C17orf113: variants seen among roughly 807,000 people sequenced by gnomAD.
C17orf113 encodes the protein chromosome 17 open reading frame 113, also known as uncharacterized protein C17orf113.
C17orf113 carries 5 observed loss-of-function variants against 11.6 expected under a neutral mutation model. The ratio of observed to expected loss-of-function variants is 0.43; its 90% CI spans 0.23 to 0.91. The LOEUF is 0.91. C17orf113 is among the 40% of genes least tolerant of loss of function. The probability of loss-of-function intolerance (pLI) is 0.26; values close to 1 mark genes in which losing one functional copy is unlikely to be tolerated. For missense variants in C17orf113, 714 were observed against 841.3 expected, an observed-to-expected ratio of 0.85 and a Z score of 1.87; for synonymous variants, 327 against 390.6, an observed-to-expected ratio of 0.84 and a Z score of 1.92.
Position 42,039,962 on chromosome 17 carries a change from G to A in C17orf113, c.1771C>T (p.His591Tyr), listed in dbSNP as rs1271176921. Residue 591 changes from histidine to tyrosine, a missense_variant, in exon 3 of 3, where the codon CAC (histidine) becomes TAC (tyrosine). His to Tyr is a moderately conservative substitution (Grantham distance 83). Around this residue, in one of 3 missense-constraint regions of C17orf113, gnomAD observed 194 missense variants for 197.2 expected, o/e 0.98. Transcript: ENST00000587304. ...TQLACAHSEL[H>Y]ELFPDFAALA... Reference sequence around the variant, plus strand: ...GCGGCGAAGTCGGGGAAGAGCTCGTGCAGCTCCGAGTGCGCGCACGCCAGC... The same window carrying A: ...GCGGCGAAGTCGGGGAAGAGCTCGTACAGCTCCGAGTGCGCGCACGCCAGC... The A allele has an allele frequency of 2.4e-6, 3 of 1,231,124 alleles. No individual in the cohort carries two copies. Among genetic ancestry groups the A allele is most frequent in the Non-Finnish European group, 3.0e-6 (3 of 987,532 alleles). The allele number at this position is 1,231,124 out of a possible 1,614,324, so 76.3% of individuals were successfully genotyped here. A position where few individuals can be genotyped will look rare whatever the true frequency, so the allele number is the denominator to read the frequency against.
Position 42,042,980 on chromosome 17 carries a change from T to C in C17orf113, c.397A>G (p.Thr133Ala). 3.2e-6 allele frequency: 4 copies of C among 1,232,392 alleles called. No homozygotes were observed. The South Asian group carries it at 1.2e-4, about 38-fold the overall frequency. The allele number at this position is 1,232,392 out of a possible 1,614,324, so 76.3% of individuals were successfully genotyped here. The change falls in exon 2 of 3, where the codon ACT (threonine) becomes GCT (alanine). Residue 133 changes from threonine (T) to alanine (A), a missense_variant. Physicochemically the swap from Thr to Ala is moderately conservative, Grantham distance 58. Coordinates refer to ENST00000587304, the MANE Select transcript of C17orf113 (RefSeq NM_001358661.2). ...ELDPAKVAVL[T>A]TVYCMAKEDV... The stretch of plus-strand genomic sequence containing the variant: ...TCCTTTGCCATGCAGTACACAGTAG[T>C]CAGCACAGCCACTTTGGCCGGGTCT...
intron 1 of C17orf113, among the ~76,000 whole-genome samples, chr17:42,046,358 T>G (rs565290511): frequency 2.6e-5 from 4 of 152,270 alleles, no homozygotes; most frequent in African/African-American, 9.6e-5. Flanking sequence ...TTTGGGAAGC[T>G]GAGGTAGGAG....
At position 42,040,021 on chromosome 17, in the gene C17orf113, A is replaced by G; in HGVS notation, c.1712T>C (p.Leu571Pro). 1 of 1,231,048 alleles carries G rather than the reference A, an allele frequency of 8.1e-7. No individual in the cohort carries two copies. Among genetic ancestry groups the G allele is most frequent in the Non-Finnish European group, 1.0e-6 (1 of 987,480 alleles). The allele number at this position is 1,231,048 out of a possible 1,614,324, so 76.3% of individuals were successfully genotyped here. The change falls in exon 3 of 3, where the codon CTT (leucine) becomes CCT (proline). Residue 571 changes from leucine (L) to proline (P), a missense_variant. Around this residue, in one of 3 missense-constraint regions of C17orf113, gnomAD observed 194 missense variants for 197.2 expected, o/e 0.98. Transcript: ENST00000587304. Reference sequence around the variant, plus strand: ...CAGGGCCCGCGGGCCGAGCCGCCCAAGGCCGAATACTACGCGCTTAAACAG... The same window carrying G: ...CAGGGCCCGCGGGCCGAGCCGCCCAGGGCCGAATACTACGCGCTTAAACAG... The part of the protein sequence containing the change: ...FALFKRVVFG[L>P]GRLGPRALCT...
intron 1 of C17orf113, among the ~76,000 whole-genome samples, chr17:42,047,024 G>A (rs542965960): frequency 6.7e-4 from 78 of 116,172 alleles, no homozygotes; most frequent in African/African-American, 7.2e-4. Context: ...CGCCATGCCC[G>A]GCTAATTTTT....
rs1461612969 is a variant in C17orf113 at position 42,040,880 on chromosome 17, G to C, written c.853C>G (p.Leu285Val). 10 of 1,232,178 alleles carry C rather than the reference G, an allele frequency of 8.1e-6. No homozygotes were observed. The highest frequency in any genetic ancestry group is 4.7e-5 in the African/African-American group (3 of 64,426). 76.3% of individuals were successfully genotyped at this position (1,232,178 alleles called of 1,614,324 possible). Residue 285 changes from leucine (L) to valine (V), a missense_variant, in exon 3 of 3, where the codon CTC becomes GTC. This residue lies in a region of C17orf113 where 516 missense variants were observed against 626.6 expected (regional missense o/e 0.82). Transcript: ENST00000587304. ...SERLGSVGPQ[L>V]RATCPLLAEL... is the part of the protein sequence containing the mutation. ...GCCAGCAGTGGGCAAGTGGCCCGGA[G>C]CTGTGGGCCCACACTCCCCAGGCGC...
chr17:42,047,471 C>T (rs148847001), intron 1 of C17orf113, among the ~76,000 whole-genome samples: 79 of 151,912 alleles, frequency 5.2e-4, no homozygotes, highest in African/African-American at 1.4e-3. Context: ...CCCAATTAGA[C>T]GATCTGAAGC....
chr17:42,046,783 A>G (rs1177039762), intron 1 of C17orf113, among the ~76,000 whole-genome samples: 1 of 152,160 alleles, frequency 6.6e-6, no homozygotes, highest in Non-Finnish European at 1.5e-5. Context: ...AACACATTAA[A>G]AAAGAAATGA....
chr17:42,045,091 G>A (rs372850851), intron 1 of C17orf113, among the ~76,000 whole-genome samples: 1 of 152,214 alleles, frequency 6.6e-6, no homozygotes, highest in African/African-American at 2.4e-5. Context: ...CTAATTTTTT[G>A]TATTTTTAGT....
chr17:42,045,913 C>T lies in C17orf113; in HGVS notation c.-187-2350G>A, dbSNP rs1223301728. 4.6e-5 allele frequency among the ~76,000 whole-genome samples: 7 copies of T among 152,236 alleles called. No homozygotes were observed. In the East Asian group the frequency reaches 1.3e-3, roughly 29 times the overall value. ...GAATACTTCTGTTAATAGAGCCTCC[C>T]GCCATTCCTGTCTGCCCAATCAATC... On this transcript the variant is annotated intron_variant, in intron 1 of 2. Coordinates refer to ENST00000587304, the MANE Select transcript of C17orf113 (RefSeq NM_001358661.2).
Position 42,039,803 on chromosome 17 carries a change from C to T in C17orf113, c.1930G>A (p.Val644Met). 8.1e-7 allele frequency: 1 copy of T among 1,232,364 alleles called. No individual in the cohort carries two copies. Among genetic ancestry groups the T allele is most frequent in the African/African-American group, 1.5e-5 (1 of 64,558 alleles). The allele number at this position is 1,232,364 out of a possible 1,614,324, so 76.3% of individuals were successfully genotyped here. ...AACTCGTGCAGCGGGGGCCCATCCA[C>T]TGCGATCTTCACCATGTGGCCCCCC... ...GRGGHMVKIAVDGPPLHEFDF... is the reference protein window; with the variant it reads ...GRGGHMVKIAMDGPPLHEFDF... Residue 644 changes from valine (V) to methionine (M), a missense_variant, in exon 3 of 3, where the codon GTG becomes ATG. By Grantham distance (21) the Val-to-Met change is conservative. Coordinates refer to ENST00000587304, the MANE Select transcript of C17orf113 (RefSeq NM_001358661.2).
In C17orf113 at chr17:42,038,884, G is replaced by A. The variant is rs1555655739; in HGVS notation, c.*821C>T. 1 of 152,282 alleles carries A rather than the reference G, an allele frequency of 6.6e-6. No homozygotes were observed. Among genetic ancestry groups the A allele is most frequent in the African/African-American group, 2.4e-5 (1 of 41,464 alleles). 9.4% of individuals were successfully genotyped at this position (152,282 alleles called of 1,614,324 possible). On this transcript the variant is annotated 3_prime_UTR_variant, in exon 3 of 3. Coordinates refer to ENST00000587304, the MANE Select transcript of C17orf113 (RefSeq NM_001358661.2). Reference sequence around the variant, plus strand: ...GTACAGAGAGGACACTGTGCTGTGTGTCAGAAACAAGCACGGTCATCTACT... The same window carrying A: ...GTACAGAGAGGACACTGTGCTGTGTATCAGAAACAAGCACGGTCATCTACT...
Position 42,050,151 on chromosome 17 carries a change from G to A in C17orf113, c.-188+406C>T, listed in dbSNP as rs2053250628. On this transcript the variant is annotated intron_variant, in intron 1 of 2. Coordinates refer to ENST00000587304, the MANE Select transcript of C17orf113 (RefSeq NM_001358661.2). The surrounding 1 kb of genome is among the most constrained non-coding windows in gnomAD (Gnocchi z 5.6). ...CTCCTCTCATTTCTCTCCACACCCT[G>A]ACCAGCCGGATGGGAGCAGGAACAA... Among the ~76,000 whole-genome samples, 2 of 148,296 alleles carry A rather than the reference G, an allele frequency of 1.3e-5. No individual in the cohort carries two copies. Among genetic ancestry groups the A allele is most frequent in the African/African-American group, 4.8e-5 (2 of 41,354 alleles).
At chr17:42,046,128 A>C (rs2053155912) in intron 1 of C17orf113, among the ~76,000 whole-genome samples, 2 of 152,126 alleles carry the variant, frequency 1.3e-5, no homozygotes, top group Non-Finnish European at 2.9e-5. Context: ...AGTTCCCCAC[A>C]GCTCCCTATG....
chr17:42,040,444 G>T lies in C17orf113; in HGVS notation c.1289C>A (p.Pro430His). ...AEEPDLALLQ[P>H]LVMAAAASLQ... ...GGAGGCCGCAGCCGCCATCACCAGA[G>T]GCTGCAGCAAGGCCAAGTCCGGCTC... is the stretch of plus-strand genomic sequence containing the variant. Residue 430 changes from proline (P) to histidine (H), a missense_variant, in exon 3 of 3, where the codon CCT becomes CAT. Transcript: ENST00000587304. 8.1e-7 allele frequency: 1 copy of T among 1,232,154 alleles called. No individual in the cohort carries two copies. The highest frequency in any genetic ancestry group is 4.1e-5 in the South Asian group (1 of 24,326). The allele number at this position is 1,232,154 out of a possible 1,614,324, so 76.3% of individuals were successfully genotyped here.
At position 42,039,790 on chromosome 17, in the gene C17orf113, G is replaced by A; in HGVS notation, c.1943C>T (p.Pro648Leu). 9 of 1,232,320 alleles carry A rather than the reference G, an allele frequency of 7.3e-6. No homozygotes were observed. Among genetic ancestry groups the A allele is most frequent in the Non-Finnish European group, 8.1e-6 (8 of 988,116 alleles). 76.3% of individuals were successfully genotyped at this position (1,232,320 alleles called of 1,614,324 possible). A position where few individuals can be genotyped will look rare whatever the true frequency, so the allele number is the denominator to read the frequency against. ...CAACCCGAAGTCAAACTCGTGCAGC[G>A]GGGGCCCATCCACTGCGATCTTCAC... ...HMVKIAVDGP[P>L]LHEFDFGLAV... is the part of the protein sequence containing the mutation. The change falls in exon 3 of 3, where the codon CCG becomes CTG. Residue 648 changes from proline (P) to leucine (L), a missense_variant. Pro to Leu is a moderately conservative substitution (Grantham distance 98). Coordinates refer to ENST00000587304, the MANE Select transcript of C17orf113 (RefSeq NM_001358661.2).
At chr17:42,045,459 A>G (rs1007167368) in intron 1 of C17orf113, among the ~76,000 whole-genome samples, 11 of 152,244 alleles carry the variant, frequency 7.2e-5, no homozygotes, top group African/African-American at 2.2e-4. Flanking sequence ...GTGCTTTACA[A>G]CGATCCAGGG....
intron 1 of C17orf113, among the ~76,000 whole-genome samples, chr17:42,047,280 C>CT (rs2053184369): frequency 6.6e-6 from 1 of 152,186 alleles, no homozygotes; most frequent in South Asian, 2.1e-4. Context: ...GATCCGCCCG[C>CT]TTCAGCCTCC....
chr17:42,039,892 AGCAGGCCAGCGCCCGCGG>A lies in C17orf113; in HGVS notation c.1823_1840del (p.Pro608_Leu613del). On this transcript the variant is annotated inframe_deletion, in exon 3 of 3. Transcript: ENST00000587304. The stretch of plus-strand genomic sequence containing the variant: ...CTCCCGGCTGCGGCCGACCTTGTCC[AGCAGGCCAGCGCCCGCGG>A]GCAGCGCCAAAGCCAAGGCGGCTAG... The A allele has an allele frequency of 8.1e-7, 1 of 1,231,420 alleles. No homozygotes were observed. Among genetic ancestry groups the A allele is most frequent in the Non-Finnish European group, 1.0e-6 (1 of 987,704 alleles). 76.3% of individuals were successfully genotyped at this position (1,231,420 alleles called of 1,614,324 possible). A position where few individuals can be genotyped will look rare whatever the true frequency, so the allele number is the denominator to read the frequency against.
chr17:42,039,964 A>G lies in C17orf113; in HGVS notation c.1769T>C (p.Leu590Pro), dbSNP rs1235424887. Residue 590 changes from leucine to proline, a missense_variant, in exon 3 of 3, where the codon CTG (leucine) becomes CCG (proline). This residue lies in a region of C17orf113 where 194 missense variants were observed against 197.2 expected (regional missense o/e 0.98). Transcript: ENST00000587304. ...CTQLACAHSE[L>P]HELFPDFAAL... is the part of the protein sequence containing the mutation. ...GGCGAAGTCGGGGAAGAGCTCGTGC[A>G]GCTCCGAGTGCGCGCACGCCAGCTG... 8.1e-7 allele frequency: 1 copy of G among 1,231,062 alleles called. No individual in the cohort carries two copies. The allele number at this position is 1,231,062 out of a possible 1,614,324, so 76.3% of individuals were successfully genotyped here. A position where few individuals can be genotyped will look rare whatever the true frequency, so the allele number is the denominator to read the frequency against.
Sources: gnomAD v4.1 joint callset for allele counts (sites outside exome capture counted in the v4.1 genomes callset) on GRCh38, gnomAD v4.1.1 for gene constraint, gnomAD v4.1.1 regional missense constraint, Gnocchi (gnomAD v3.1) non-coding constraint, MANE v1.5 for transcripts, NCBI Gene and HGNC (gene_info 2026-07-23, HGNC 2026-07-21) for gene names.